Variants in GHR observed in about 807,000 individuals in gnomAD.
GHR encodes growth hormone receptor.
A neutral mutation model predicts 67.1 loss-of-function variants in GHR; 35 were observed. The ratio of observed to expected loss-of-function variants is 0.52; its 90% CI spans 0.40 to 0.69. The LOEUF is 0.69. GHR is among the 30% of genes least tolerant of loss of function. The pLI, the probability that GHR is intolerant of heterozygous loss-of-function variation, is 0.00. For synonymous variants in GHR, 272 were observed against 269.1 expected (o/e 1.01, Z -0.10); for missense variants, 792 against 764.6 (o/e 1.04, Z -0.42).
At chr5:42,656,381 G>A in intron 3 of GHR, among the ~76,000 whole-genome samples, 1 of 152,132 alleles carries the variant, frequency 6.6e-6, no homozygotes, top group East Asian at 1.9e-4. Flanking sequence ...GTAAACTGTA[G>A]CCTCTATTTT....
chr5:42,535,429 T>C (rs1160470520), intron 1 of GHR, among the ~76,000 whole-genome samples: 1 of 152,092 alleles, frequency 6.6e-6, no homozygotes, highest in African/African-American at 2.4e-5. Flanking sequence ...TTCCCCACTT[T>C]ATGTTTTTGT....
chr5:42,430,134 T>C (rs1743028927), intron 1 of GHR, among the ~76,000 whole-genome samples: 1 of 152,216 alleles, frequency 6.6e-6, no homozygotes, highest in Non-Finnish European at 1.5e-5. Context: ...GGACAGGAGC[T>C]GGACAAAGGC....
At chr5:42,468,293 G>C in intron 1 of GHR, 5 of 1,575,380 alleles carry the variant, frequency 3.2e-6, no homozygotes, top group Non-Finnish European at 4.4e-6. Flanking sequence ...CATGGGCCTA[G>C]GGCCATGGCT....
At chr5:42,512,375 A>C (rs1747054346) in intron 1 of GHR, among the ~76,000 whole-genome samples, 1 of 152,146 alleles carries the variant, frequency 6.6e-6, no homozygotes, top group Non-Finnish European at 1.5e-5. Flanking sequence ...GGTGGGGCAC[A>C]GGGTAGGCAG....
intron 3 of GHR, among the ~76,000 whole-genome samples, chr5:42,637,031 C>A (rs1561186702): frequency 6.6e-6 from 1 of 152,140 alleles, no homozygotes; most frequent in African/African-American, 2.4e-5. Context: ...ACAAGGTAAG[C>A]TACCTCTGTG....
intron 1 of GHR, among the ~76,000 whole-genome samples, chr5:42,473,050 G>T (rs1745079460): frequency 6.6e-6 from 1 of 152,156 alleles, no homozygotes. Context: ...AGTGAAAGAG[G>T]TATGAATAAC....
intron 6 of GHR, among the ~76,000 whole-genome samples, chr5:42,703,148 A>G (rs1561242102): frequency 6.6e-6 from 1 of 151,954 alleles, no homozygotes; most frequent in Non-Finnish European, 1.5e-5. Flanking sequence ...AATGTCATGG[A>G]GCTTTTTCCT....
chr5:42,447,412 G>C (rs1743851762), intron 1 of GHR, among the ~76,000 whole-genome samples: 1 of 152,124 alleles, frequency 6.6e-6, no homozygotes, highest in Non-Finnish European at 1.5e-5. Flanking sequence ...TTCCATTCCT[G>C]AGTTACTTTC....
chr5:42,660,983 C>G (rs1439783159), intron 3 of GHR, among the ~76,000 whole-genome samples: 1 of 152,004 alleles, frequency 6.6e-6, no homozygotes, highest in African/African-American at 2.4e-5. Context: ...GGAGCCGATG[C>G]GATCAGCTGG....
chr5:42,635,115 C>G (rs1192497542), intron 3 of GHR, among the ~76,000 whole-genome samples: 1 of 151,902 alleles, frequency 6.6e-6, no homozygotes, highest in Admixed American at 6.6e-5. Flanking sequence ...TGTTTATAAA[C>G]TATTCAATAA....
intron 1 of GHR, among the ~76,000 whole-genome samples, chr5:42,502,896 T>G (rs1746600451): frequency 6.6e-6 from 1 of 151,468 alleles, no homozygotes; most frequent in South Asian, 2.1e-4. Flanking sequence ...TTTCTCCATG[T>G]GGCTAGCTGT....
At position 42,718,475 on chromosome 5, in the gene GHR, A is replaced by C; in HGVS notation, c.968A>C (p.Asn323Thr). ...TAGGAAGGAAAATTAGAGGAGGTGA[A>C]CACAATCTTAGCCATTCATGATAGC... ...LLKEGKLEEV[N>T]TILAIHDSYK... is the part of the protein sequence containing the mutation. Residue 323 changes from asparagine to threonine, a missense_variant, in exon 10 of 10, where the codon AAC becomes ACC. By Grantham distance (65) the Asn-to-Thr change is moderately conservative. Coordinates refer to ENST00000230882, the MANE Select transcript of GHR (RefSeq NM_000163.5). The C allele has an allele frequency of 6.2e-7, 1 of 1,611,156 alleles. No individual in the cohort carries two copies.
chr5:42,622,057 C>G (rs1276917821), intron 2 of GHR, among the ~76,000 whole-genome samples: 1 of 152,166 alleles, frequency 6.6e-6, no homozygotes, highest in Non-Finnish European at 1.5e-5. Context: ...TGCACTCAGG[C>G]CTGGTGGACT....
intron 2 of GHR, among the ~76,000 whole-genome samples, chr5:42,597,759 T>G (rs950013093): frequency 1.3e-5 from 2 of 152,158 alleles, no homozygotes; most frequent in Non-Finnish European, 2.9e-5. Flanking sequence ...ACTGATAGTG[T>G]CAAGAGACAC....
intron 1 of GHR, among the ~76,000 whole-genome samples, chr5:42,436,731 T>G (rs188465597): frequency 1.6e-4 from 25 of 152,364 alleles, no homozygotes; most frequent in African/African-American, 6.0e-4. Flanking sequence ...ACATAGTTAC[T>G]GCTTTTTTAA....
chr5:42,687,632 A>C (rs1757224022), intron 3 of GHR, among the ~76,000 whole-genome samples: 1 of 152,220 alleles, frequency 6.6e-6, no homozygotes, highest in Admixed American at 6.5e-5. Context: ...CAGAGGAAAA[A>C]AGAAGCCTGT....
chr5:42,713,572 A>G, intron 8 of GHR, 53 bp downstream of exon 8: 2 of 825,834 alleles, frequency 2.4e-6, no homozygotes, highest in South Asian at 1.3e-5. Context: ...TTAGATTTCC[A>G]TATGTGTTTC....
intron 2 of GHR, among the ~76,000 whole-genome samples, chr5:42,577,002 G>A (rs546425964): frequency 1.3e-4 from 20 of 152,204 alleles, no homozygotes; most frequent in African/African-American, 2.7e-4. Flanking sequence ...TTCTCATCAA[G>A]AGAGGAAGAA....
intron 3 of GHR, among the ~76,000 whole-genome samples, chr5:42,656,055 A>G (rs1755239240): frequency 6.6e-6 from 1 of 152,144 alleles, no homozygotes; most frequent in African/African-American, 2.4e-5. Flanking sequence ...AAATCAGTAT[A>G]ATCTATCCAC....
Sources: allele counts gnomAD v4.1 joint callset (sites outside exome capture counted in the v4.1 genomes callset), GRCh38; gene constraint gnomAD v4.1.1; transcripts MANE v1.5; gene names NCBI Gene and HGNC (gene_info 2026-07-23, HGNC 2026-07-21).